Variants in CWF19L2 observed in about 807,000 individuals in gnomAD.
CWF19L2 encodes CWF19-like protein 2.
CWF19L2 carries 98 observed loss-of-function variants against 111.7 expected under a neutral mutation model. The observed-to-expected ratio is 0.88, with a 90% CI of 0.75 to 1.04. The LOEUF is 1.04. Among genes scored for constraint, CWF19L2 ranks in the 50% least tolerant of loss-of-function variants. CWF19L2 has a pLI of 0.00. For synonymous variants in CWF19L2, 351 were observed against 342.9 expected (o/e 1.02, Z -0.26); for missense variants, 1,101 against 1,051.4 (o/e 1.05, Z -0.65).
intron 7 of CWF19L2, among the ~76,000 whole-genome samples, chr11:107,433,192 G>A (rs149853348): frequency 8.6e-4 from 131 of 152,122 alleles, no homozygotes; most frequent in Admixed American, 2.2e-3. Context: ...TGTCCAGAAC[G>A]ATGGGGAAAC....
intron 3 of CWF19L2, among the ~76,000 whole-genome samples, chr11:107,452,395 A>G (rs2135430496): frequency 6.6e-6 from 1 of 152,204 alleles, no homozygotes; most frequent in South Asian, 2.1e-4. Context: ...AACAAAATGG[A>G]AAAAAAATAA....
intron 12 of CWF19L2, among the ~76,000 whole-genome samples, chr11:107,362,135 C>T (rs1860355704): frequency 6.6e-6 from 1 of 152,108 alleles, no homozygotes; most frequent in South Asian, 2.1e-4. Context: ...AAACGGCACA[C>T]TACGAGATTA....
intron 8 of CWF19L2, among the ~76,000 whole-genome samples, chr11:107,427,367 A>C (rs11212228): frequency 0.076 from 11,544 of 152,170 alleles, 576 homozygotes; most frequent in African/African-American, 0.13. Context: ...ACATGTATAC[A>C]TACATATATA....
At chr11:107,411,730 T>C (rs1454136229) in intron 10 of CWF19L2, among the ~76,000 whole-genome samples, 3 of 152,202 alleles carry the variant, frequency 2.0e-5, no homozygotes, top group Non-Finnish European at 4.4e-5. Context: ...ATACATTTAA[T>C]GCCCCTTCGG....
Position 107,395,678 on chromosome 11 carries a change from A to G in CWF19L2, c.1618-2783T>C, listed in dbSNP as rs768236045. Among the ~76,000 whole-genome samples, 13 of 152,186 alleles carry G rather than the reference A, an allele frequency of 8.5e-5. No individual in the cohort carries two copies. The South Asian group carries it at 2.7e-3, about 32-fold the overall frequency. ...TTCTAGTTCCTTGTAATTTTTGTAA[A>G]CGTACTGTAAATTTTATTTCTTCTG... On this transcript the variant is annotated intron_variant, in intron 10 of 17. Coordinates refer to ENST00000282251, the MANE Select transcript of CWF19L2 (RefSeq NM_152434.3).
intron 16 of CWF19L2, among the ~76,000 whole-genome samples, chr11:107,331,654 T>C (rs756529707): frequency 5.3e-5 from 8 of 152,236 alleles, no homozygotes; most frequent in South Asian, 2.1e-4. Context: ...ATCACCAGAT[T>C]TTTGAAATAA....
At chr11:107,421,592 G>A (rs1453179932) in intron 8 of CWF19L2, among the ~76,000 whole-genome samples, 3 of 152,062 alleles carry the variant, frequency 2.0e-5, no homozygotes, top group Non-Finnish European at 2.9e-5. Context: ...TAAGCACATA[G>A]AGAGATGTTC....
chr11:107,397,818 G>C (rs1404557396), intron 10 of CWF19L2, among the ~76,000 whole-genome samples: 1 of 151,394 alleles, frequency 6.6e-6, no homozygotes, highest in African/African-American at 2.4e-5. Context: ...ATAGCTGAGA[G>C]ACCCATAGAC....
Position 107,433,739 on chromosome 11 carries a change from T to C in CWF19L2, c.675A>G (p.Val225=), listed in dbSNP as rs1242678311. 1 of 1,552,352 alleles carries C rather than the reference T, an allele frequency of 6.4e-7. No individual in the cohort carries two copies. Among genetic ancestry groups the C allele is most frequent in the East Asian group, 2.4e-5 (1 of 42,486 alleles). The change falls in exon 7 of 18, where the codon GTA becomes GTG. Residue 225 remains valine, a synonymous_variant. Coordinates refer to ENST00000282251, the MANE Select transcript of CWF19L2 (RefSeq NM_152434.3). ...TTAGCCAGCTTAATCCACCATCTTCTACCACTGAAACTAAATTCCAGTATT... is the reference window on the plus strand; with the variant it reads ...TTAGCCAGCTTAATCCACCATCTTCCACCACTGAAACTAAATTCCAGTATT... ...SVSSITKVSV[V]EDGGLSWLRK... is the part of the protein sequence containing the mutation.
At chr11:107,344,406 C>G (rs940487383) in intron 14 of CWF19L2, among the ~76,000 whole-genome samples, 1 of 152,178 alleles carries the variant, frequency 6.6e-6, no homozygotes, top group Non-Finnish European at 1.5e-5. Flanking sequence ...TCTAGGACAG[C>G]TCTGCTGATG....
At chr11:107,433,161 T>C (rs1315586715) in intron 7 of CWF19L2, among the ~76,000 whole-genome samples, 1 of 152,132 alleles carries the variant, frequency 6.6e-6, no homozygotes, top group Non-Finnish European at 1.5e-5. Context: ...AGAATATCAG[T>C]AATTACTGCA....
At chr11:107,416,737 G>C (rs1316042317) in intron 9 of CWF19L2, among the ~76,000 whole-genome samples, 1 of 152,070 alleles carries the variant, frequency 6.6e-6, no homozygotes, top group Non-Finnish European at 1.5e-5. Flanking sequence ...GAAACTTATA[G>C]AAATTTATAT....
At chr11:107,340,060 T>C (rs1859984357) in intron 14 of CWF19L2, among the ~76,000 whole-genome samples, 1 of 152,192 alleles carries the variant, frequency 6.6e-6, no homozygotes, top group Admixed American at 6.5e-5. Flanking sequence ...GCCAGGTATG[T>C]GGTTTGCAAA....
chr11:107,415,381 T>C (rs996540452), intron 10 of CWF19L2, among the ~76,000 whole-genome samples: 1 of 152,210 alleles, frequency 6.6e-6, no homozygotes, highest in Non-Finnish European at 1.5e-5. Context: ...TACCCTGCCA[T>C]AGGGTAACTT....
intron 12 of CWF19L2, 21 bp from the exon 13 acceptor site, chr11:107,353,757 T>C: frequency 6.3e-7 from 1 of 1,585,362 alleles, no homozygotes; most frequent in Non-Finnish European, 8.7e-7. Flanking sequence ...AAAATAACAG[T>C]AATAGAGAGT....
intron 3 of CWF19L2, among the ~76,000 whole-genome samples, chr11:107,454,129 G>A (rs1404710913): frequency 6.6e-6 from 1 of 152,212 alleles, no homozygotes; most frequent in Non-Finnish European, 1.5e-5. Flanking sequence ...TTCATCACCT[G>A]CTGATTGCAG....
At chr11:107,387,289 C>T (rs1359707262) in intron 12 of CWF19L2, among the ~76,000 whole-genome samples, 2 of 152,084 alleles carry the variant, frequency 1.3e-5, no homozygotes, top group South Asian at 2.1e-4. Flanking sequence ...AGTTTTACCA[C>T]TGTAATCCAT....
rs997196317 is a variant in CWF19L2 at position 107,368,121 on chromosome 11, C to T, written c.1873-14385G>A. 1.8e-4 allele frequency among the ~76,000 whole-genome samples: 9 copies of T among 49,762 alleles called. 2 individuals carry two copies. Among genetic ancestry groups the T allele is most frequent in the Admixed American group, 1.3e-3 (9 of 6,952 alleles). 32.6% of individuals were successfully genotyped at this position (49,762 alleles called of 152,430 possible). ...TCCGGGCAGAATAAATTGAGACCCCCCCCCACACAAAAATACAAAAGATCA... is the reference window on the plus strand; with the variant it reads ...TCCGGGCAGAATAAATTGAGACCCCTCCCCACACAAAAATACAAAAGATCA... On this transcript the variant is annotated intron_variant, in intron 12 of 17. Coordinates refer to ENST00000282251, the MANE Select transcript of CWF19L2 (RefSeq NM_152434.3).
intron 13 of CWF19L2, among the ~76,000 whole-genome samples, chr11:107,352,367 G>C (rs1252155297): frequency 6.6e-6 from 1 of 152,086 alleles, no homozygotes; most frequent in Non-Finnish European, 1.5e-5. Context: ...GCAACTTGAG[G>C]AGGTTTTAGG....
Sources: gnomAD v4.1 joint callset for allele counts (sites outside exome capture counted in the v4.1 genomes callset) on GRCh38, gnomAD v4.1.1 for gene constraint, MANE v1.5 for transcripts, NCBI Gene and HGNC (gene_info 2026-07-23, HGNC 2026-07-21) for gene names.